MCTP1: variants seen among roughly 807,000 people sequenced by gnomAD.
MCTP1 encodes multiple C2 and transmembrane domain containing 1, also known as multiple C2 and transmembrane domain-containing protein 1.
In MCTP1, 69 loss-of-function variants were observed where a neutral mutation model predicts 120.6. The observed-to-expected ratio is 0.57, with a 90% CI of 0.47 to 0.70. The LOEUF (loss-of-function observed/expected upper bound fraction) is 0.70, where lower values mean the gene tolerates loss of function less well. MCTP1 is among the 30% of genes least tolerant of loss of function. The pLI, the probability that MCTP1 is intolerant of heterozygous loss-of-function variation, is 0.00. For missense variants in MCTP1, 1,203 were observed against 1,248.8 expected (o/e 0.96, Z 0.55); for synonymous variants, 529 against 493.1 (o/e 1.07, Z -0.96).
chr5:95,138,635 C>A (rs1037825864), intron 1 of MCTP1, among the ~76,000 whole-genome samples: 1 of 152,170 alleles, frequency 6.6e-6, no homozygotes, highest in Non-Finnish European at 1.5e-5. Context: ...AAAGGAATGA[C>A]CCCCTCACAG....
At chr5:94,970,581 C>A (rs1389100374) in intron 2 of MCTP1, among the ~76,000 whole-genome samples, 1 of 152,006 alleles carries the variant, frequency 6.6e-6, no homozygotes. Flanking sequence ...AAGGGCCTTA[C>A]TCCTGTCTCC....
At chr5:95,140,825 A>C (rs1759862515) in intron 1 of MCTP1, among the ~76,000 whole-genome samples, 1 of 136,714 alleles carries the variant, frequency 7.3e-6, no homozygotes. Context: ...GCTTGCAGTG[A>C]GCAGAGATTG....
chr5:95,199,279 A>G (rs932418357), intron 1 of MCTP1, among the ~76,000 whole-genome samples: 3 of 152,116 alleles, frequency 2.0e-5, no homozygotes, highest in African/African-American at 7.3e-5. Flanking sequence ...ACTCTACAAC[A>G]TTTCTTAATA....
chr5:95,222,757 G>A (rs1403556647), intron 1 of MCTP1, among the ~76,000 whole-genome samples: 1 of 152,144 alleles, frequency 6.6e-6, no homozygotes, highest in Non-Finnish European at 1.5e-5. Flanking sequence ...CTTTAGTAAG[G>A]AATATTTTAA....
chr5:94,925,173 T>C (rs1461108923), intron 6 of MCTP1, among the ~76,000 whole-genome samples: 1 of 152,162 alleles, frequency 6.6e-6, no homozygotes, highest in African/African-American at 2.4e-5. Context: ...AGCCTTCCTT[T>C]CACTAGAGTC....
At chr5:95,276,636 CAGA>C (rs1048759585) in intron 1 of MCTP1, among the ~76,000 whole-genome samples, 4 of 150,840 alleles carry the variant, frequency 2.7e-5, no homozygotes, top group African/African-American at 7.3e-5. Flanking sequence ...GCTTGGGATG[CAGA>C]AGAAGTGCTA....
chr5:94,765,487 G>A (rs1580555847), intron 19 of MCTP1, among the ~76,000 whole-genome samples: 1 of 152,074 alleles, frequency 6.6e-6, no homozygotes, highest in African/African-American at 2.4e-5. Context: ...ATCACCTGAG[G>A]TCAGGAGTTT....
chr5:94,901,386 A>G (rs1180840364), intron 10 of MCTP1, among the ~76,000 whole-genome samples: 1 of 152,180 alleles, frequency 6.6e-6, no homozygotes, highest in Non-Finnish European at 1.5e-5. Flanking sequence ...GTTCAAGATG[A>G]GATTTGGGTG....
intron 12 of MCTP1, among the ~76,000 whole-genome samples, chr5:94,880,201 G>A (rs997363507): frequency 6.6e-6 from 1 of 152,012 alleles, no homozygotes; most frequent in Non-Finnish European, 1.5e-5. Flanking sequence ...CAAGTGATTC[G>A]TTACAAGCTT....
chr5:95,191,754 C>A (rs895628401), intron 1 of MCTP1, among the ~76,000 whole-genome samples: 1 of 151,916 alleles, frequency 6.6e-6, no homozygotes, highest in Non-Finnish European at 1.5e-5. Flanking sequence ...GAGCTGACTC[C>A]CACTCCTGCT....
At chr5:95,084,772 C>T (rs1755301981) in intron 1 of MCTP1, among the ~76,000 whole-genome samples, 1 of 152,078 alleles carries the variant, frequency 6.6e-6, no homozygotes, top group African/African-American at 2.4e-5. Context: ...AAAATCTAAA[C>T]CTTTTGTTGC....
intron 17 of MCTP1, among the ~76,000 whole-genome samples, chr5:94,860,751 G>T (rs908216220): frequency 6.6e-6 from 1 of 151,304 alleles, no homozygotes; most frequent in East Asian, 2.0e-4. Context: ...GAGCTGGGGC[G>T]GGGGGGAAGC....
rs1002428456 is a variant in MCTP1, at chr5:94,720,253, C to CA, written c.2611-5368dup. On this transcript the variant is annotated intron_variant, in intron 19 of 22. Transcript: ENST00000515393. ...AATAGGAAAGAACTTTCTAAACATA[C>CA]AAAAAATAAAATAAATTACAAAGGA... 1.2e-3 allele frequency among the ~76,000 whole-genome samples: 189 copies of CA among 151,568 alleles called. 3 individuals carry two copies. The highest frequency in any genetic ancestry group is 4.4e-3 in the African/African-American group (184 of 41,408).
At position 94,885,967 on chromosome 5, in the gene MCTP1, C is replaced by T. The variant is rs1007075575; in HGVS notation, c.1933+2912G>A. 2.0e-5 allele frequency among the ~76,000 whole-genome samples: 3 copies of T among 152,164 alleles called. No individual in the cohort carries two copies. The South Asian group carries it at 6.2e-4, about 32-fold the overall frequency. On this transcript the variant is annotated intron_variant, in intron 12 of 22. Coordinates refer to ENST00000515393, the MANE Select transcript of MCTP1 (RefSeq NM_024717.7). Reference sequence around the variant, plus strand: ...GAGTTGTAAATTGAGGCCTTAACCACCAGAGTTAATCTCTTTTTTAAATCT... The same window carrying T: ...GAGTTGTAAATTGAGGCCTTAACCATCAGAGTTAATCTCTTTTTTAAATCT...
intron 1 of MCTP1, among the ~76,000 whole-genome samples, chr5:95,154,736 TA>T (rs1217715093): frequency 6.6e-6 from 1 of 152,206 alleles, no homozygotes; most frequent in East Asian, 1.9e-4. Context: ...AGAAAGCCAA[TA>T]AAACTAGACT....
chr5:95,284,583 C>T lies in MCTP1; in HGVS notation c.-8G>A. The T allele has an allele frequency of 7.0e-7, 1 of 1,418,968 alleles. No individual in the cohort carries two copies. Among genetic ancestry groups the T allele is most frequent in the Non-Finnish European group, 9.1e-7 (1 of 1,099,620 alleles). The allele number at this position is 1,418,968 out of a possible 1,614,324, so 87.9% of individuals were successfully genotyped here. On this transcript the variant is annotated 5_prime_UTR_variant, in exon 1 of 23. Transcript: ENST00000515393. This position sits in a 1 kb window ranked among gnomAD's most constrained non-coding sequence, Gnocchi z 5.2. ...GGCAGCCCGGGGCTCCATCCTCCAC[C>T]CCCTGCTCCTCCTCTCCCCTCCTCC... is the stretch of plus-strand genomic sequence containing the variant.
intron 1 of MCTP1, among the ~76,000 whole-genome samples, chr5:95,043,171 A>G (rs1035267478): frequency 6.6e-6 from 1 of 152,222 alleles, no homozygotes; most frequent in Admixed American, 6.6e-5. Flanking sequence ...ATAATAAGTC[A>G]GTCTTCCACA....
chr5:94,903,904 C>T (rs10078489), intron 10 of MCTP1, among the ~76,000 whole-genome samples: 19,480 of 152,202 alleles, frequency 0.13, 1,330 homozygotes, highest in African/African-American at 0.14. Context: ...TCCCTGACAG[C>T]ACTCATTCTT....
intron 19 of MCTP1, among the ~76,000 whole-genome samples, chr5:94,730,013 CA>C (rs1762841300): frequency 6.6e-6 from 1 of 152,086 alleles, no homozygotes; most frequent in African/African-American, 2.4e-5. Flanking sequence ...CAGTAGCCCA[CA>C]AAAAGATGAT....
Sources: allele counts gnomAD v4.1 joint callset (sites outside exome capture counted in the v4.1 genomes callset), GRCh38; gene constraint gnomAD v4.1.1; non-coding constraint Gnocchi (gnomAD v3.1); transcripts MANE v1.5; gene names NCBI Gene and HGNC (gene_info 2026-07-23, HGNC 2026-07-21).